The following BCAR3 variants were observed in gnomAD, a reference collection of about 807,000 sequenced individuals.
BCAR3 encodes BCAR3 adaptor protein, NSP family member, also known as breast cancer anti-estrogen resistance protein 3.
BCAR3 carries 37 observed loss-of-function variants against 80.1 expected under a neutral mutation model. The ratio of observed to expected loss-of-function variants is 0.46; its 90% confidence interval spans 0.36 to 0.61. The LOEUF is 0.61. BCAR3 is among the 20% of genes least tolerant of loss of function. BCAR3 has a pLI of 0.00. For missense variants in BCAR3, 978 were observed against 1,068.2 expected (o/e 0.92, Z 1.18); for synonymous variants, 389 against 418.9 (o/e 0.93, Z 0.87).
rs112636601 is a variant in BCAR3 at position 93,808,488 on chromosome 1, G to T, written c.-63+37079C>A. 7.4e-4 allele frequency among the ~76,000 whole-genome samples: 113 copies of T among 152,276 alleles called. 1 individual carries two copies. The highest frequency in any genetic ancestry group is 2.2e-3 in the African/African-American group (90 of 41,572). ...TATAGCATTTTCTAGAAAGTTACCT[G>T]AGAATACACTCCAGCAAAATCGATG... is the stretch of plus-strand genomic sequence containing the variant. On this transcript the variant is annotated intron_variant, in intron 2 of 13. Coordinates refer to the BCAR3 transcript ENST00000370244.
intron 2 of BCAR3, among the ~76,000 whole-genome samples, chr1:93,672,958 T>C (rs971657079): frequency 1.3e-4 from 20 of 152,232 alleles, no homozygotes; most frequent in Non-Finnish European, 2.4e-4. Flanking sequence ...CCACAGGCCA[T>C]TCCAGTTCCT....
At chr1:93,758,950 A>C (rs563965579) in intron 2 of BCAR3, among the ~76,000 whole-genome samples, 39 of 152,168 alleles carry the variant, frequency 2.6e-4, no homozygotes, top group Non-Finnish European at 4.3e-4. Context: ...GGAATGGTGG[A>C]AGGTTCTGGG....
rs1485030052 is a variant in BCAR3, at chr1:93,590,983, G to A, written c.486+1282C>T. ...CTCATACTTGATTTCAAAAAGCCCG[G>A]GAGGATGTATGTACACAAAAGTATT... On this transcript the variant is annotated intron_variant, in intron 4 of 11. Transcript: ENST00000260502. 2.0e-5 allele frequency among the ~76,000 whole-genome samples: 3 copies of A among 152,102 alleles called. No homozygotes were observed. The East Asian group carries it at 5.8e-4, about 29-fold the overall frequency.
chr1:93,655,388 G>A (rs1179128986), intron 2 of BCAR3, among the ~76,000 whole-genome samples: 4 of 152,306 alleles, frequency 2.6e-5, no homozygotes, highest in Admixed American at 6.5e-5. Flanking sequence ...TAGAGTGTGG[G>A]AGGTGGGGGG....
At chr1:93,619,620 A>T (rs1675250405) in intron 3 of BCAR3, among the ~76,000 whole-genome samples, 1 of 152,204 alleles carries the variant, frequency 6.6e-6, no homozygotes, top group African/African-American at 2.4e-5. Context: ...ATAGGCAACG[A>T]CCACAAAGCC....
At chr1:93,739,499 T>C (rs1175477804) in intron 2 of BCAR3, among the ~76,000 whole-genome samples, 3 of 152,226 alleles carry the variant, frequency 2.0e-5, no homozygotes, top group South Asian at 4.1e-4. Flanking sequence ...AAATGTATAG[T>C]GTCATCTTTG....
At chr1:93,697,620 T>C (rs575238077) in intron 3 of BCAR3, among the ~76,000 whole-genome samples, 3 of 152,248 alleles carry the variant, frequency 2.0e-5, no homozygotes, top group African/African-American at 7.2e-5. Context: ...TACTATACAA[T>C]TGGACTCTGT....
intron 2 of BCAR3, among the ~76,000 whole-genome samples, chr1:93,834,563 C>T (rs1654696316): frequency 6.6e-6 from 1 of 152,206 alleles, no homozygotes; most frequent in African/African-American, 2.4e-5. Flanking sequence ...AGAGCCAGGA[C>T]TGCGCTCTGT....
chr1:93,829,113 G>A (rs1654471753), intron 2 of BCAR3, among the ~76,000 whole-genome samples: 1 of 152,148 alleles, frequency 6.6e-6, no homozygotes, highest in Non-Finnish European at 1.5e-5. Context: ...CCAAAAGAGG[G>A]TCTCCGGTCT....
At chr1:93,769,452 T>A (rs1652277749) in intron 2 of BCAR3, among the ~76,000 whole-genome samples, 1 of 149,232 alleles carries the variant, frequency 6.7e-6, no homozygotes. Flanking sequence ...AGAAATGCAA[T>A]GTGATGGAAA....
At position 93,772,704 on chromosome 1, in the gene BCAR3, A is replaced by G. The variant is rs1652402068; in HGVS notation, c.-62-66562T>C. On this transcript the variant is annotated intron_variant, in intron 2 of 13. Transcript: ENST00000370244. ...ATTGCAACCTGCACCTGCCGGGTTTAAGCAATTCTCCTGTCCTCAGCCTCC... is the reference window on the plus strand; with the variant it reads ...ATTGCAACCTGCACCTGCCGGGTTTGAGCAATTCTCCTGTCCTCAGCCTCC... Among the ~76,000 whole-genome samples the G allele has an allele frequency of 3.9e-5, 6 of 152,016 alleles. No homozygotes were observed. The South Asian group carries it at 1.0e-3, about 26-fold the overall frequency.
At chr1:93,756,921 A>G (rs903934544) in intron 2 of BCAR3, among the ~76,000 whole-genome samples, 6 of 152,186 alleles carry the variant, frequency 3.9e-5, no homozygotes, top group African/African-American at 1.4e-4. Context: ...TGGCCTTACA[A>G]AATTTACACT....
chr1:93,562,130 C>G lies in BCAR3; in HGVS notation c.*111G>C. On this transcript the variant is annotated 3_prime_UTR_variant, in exon 12 of 12. Transcript: ENST00000260502. ...TTTAATATCCTGTGGATACTAAAAG[C>G]TTGTATATTGTCAGATTTGCACATT... The G allele has an allele frequency of 1.7e-6, 2 of 1,174,408 alleles. No individual in the cohort carries two copies. Among genetic ancestry groups the G allele is most frequent in the Non-Finnish European group, 2.4e-6 (2 of 839,896 alleles). The allele number at this position is 1,174,408 out of a possible 1,614,324, so 72.7% of individuals were successfully genotyped here.
chr1:93,701,327 C>T (rs1649630768), intron 3 of BCAR3, among the ~76,000 whole-genome samples: 1 of 152,108 alleles, frequency 6.6e-6, no homozygotes, highest in Admixed American at 6.5e-5. Flanking sequence ...GGCCTCCTTC[C>T]AACCCAAAAC....
chr1:93,623,911 A>G (rs997548636), intron 3 of BCAR3, among the ~76,000 whole-genome samples: 4 of 152,218 alleles, frequency 2.6e-5, no homozygotes, highest in African/African-American at 9.6e-5. Flanking sequence ...ACACCCATTA[A>G]TAATAGGGTT....
intron 3 of BCAR3, among the ~76,000 whole-genome samples, chr1:93,640,755 A>C (rs766827186): frequency 6.6e-6 from 1 of 152,244 alleles, no homozygotes; most frequent in Non-Finnish European, 1.5e-5. Context: ...TAGCTTGAGA[A>C]TGCACTACCA....
At chr1:93,710,740 A>C (rs1264225502) in intron 2 of BCAR3, among the ~76,000 whole-genome samples, 4 of 152,074 alleles carry the variant, frequency 2.6e-5, no homozygotes, top group Non-Finnish European at 5.9e-5. Context: ...TGCTTTATCT[A>C]GCTAACGCTT....
chr1:93,769,853 C>T (rs1310941803), intron 2 of BCAR3, among the ~76,000 whole-genome samples: 1 of 152,122 alleles, frequency 6.6e-6, no homozygotes, highest in African/African-American at 2.4e-5. Flanking sequence ...GGGAGCTCAG[C>T]TGACAGGATG....
chr1:93,847,560 G>A (rs920784222), upstream of BCAR3: 1 of 152,436 alleles, frequency 6.6e-6, no homozygotes, highest in South Asian at 2.0e-4. Flanking sequence ...GATGCGCTGA[G>A]ACTCCAACAG....
Sources: gnomAD v4.1 joint callset for allele counts (sites outside exome capture counted in the v4.1 genomes callset) on GRCh38, gnomAD v4.1.1 for gene constraint, MANE v1.5 for transcripts, NCBI Gene and HGNC (gene_info 2026-07-23, HGNC 2026-07-21) for gene names.